SORCS3: variants seen among roughly 807,000 people sequenced by gnomAD.
The protein encoded by SORCS3 is sortilin related VPS10 domain containing receptor 3.
A neutral mutation model predicts 146.3 loss-of-function variants in SORCS3; 57 were observed. The observed-to-expected ratio is 0.39, with a 90% CI of 0.31 to 0.49. The LOEUF (loss-of-function observed/expected upper bound fraction) is 0.49, where lower values mean the gene tolerates loss of function less well. Ranked by LOEUF, SORCS3 falls within the 20% of genes least tolerant of loss-of-function variation. SORCS3 has a pLI of 0.92. For synonymous variants in SORCS3, 653 were observed against 618.5 expected (o/e 1.06, Z -0.83); for missense variants, 1,341 against 1,575.5 (o/e 0.85, Z 2.52).
At chr10:104,832,750 T>TAAATAAATAAATAAAC (rs58541807) in intron 1 of SORCS3, among the ~76,000 whole-genome samples, 78 of 151,862 alleles carry the variant, frequency 5.1e-4, no homozygotes, top group South Asian at 8.4e-4. Flanking sequence ...AATAAATAAA[T>TAAATAAATAAATAAAC]GAACGAACGA....
intron 1 of SORCS3, among the ~76,000 whole-genome samples, chr10:104,650,605 A>G (rs2015546721): frequency 6.6e-6 from 1 of 152,240 alleles, no homozygotes; most frequent in Non-Finnish European, 1.5e-5. Flanking sequence ...AGGTTCTCCC[A>G]TTGCTTCTGT....
intron 20 of SORCS3, among the ~76,000 whole-genome samples, chr10:105,237,527 G>C (rs924795167): frequency 6.6e-6 from 1 of 152,212 alleles, no homozygotes; most frequent in Admixed American, 6.5e-5. Flanking sequence ...TGGTCCATTT[G>C]AAAGAGGTGC....
chr10:104,885,006 G>A (rs1014983857), intron 2 of SORCS3, among the ~76,000 whole-genome samples: 3 of 152,146 alleles, frequency 2.0e-5, no homozygotes, highest in Non-Finnish European at 2.9e-5. Flanking sequence ...GGTCAGGAGA[G>A]TGTGAGTGAA....
intron 20 of SORCS3, among the ~76,000 whole-genome samples, chr10:105,239,972 CA>C (rs2056813572): frequency 6.6e-6 from 1 of 152,190 alleles, no homozygotes; most frequent in African/African-American, 2.4e-5. Context: ...GCCATTTTCC[CA>C]GCACAAGAGT....
chr10:104,840,439 C>T (rs2018124963), intron 1 of SORCS3, among the ~76,000 whole-genome samples: 1 of 152,182 alleles, frequency 6.6e-6, no homozygotes. Context: ...TCCCTGCATT[C>T]CCCACCACAG....
intron 4 of SORCS3, among the ~76,000 whole-genome samples, chr10:105,039,768 A>G (rs2055327820): frequency 6.6e-6 from 1 of 151,968 alleles, no homozygotes; most frequent in Admixed American, 6.6e-5. Context: ...CGCTCTCTTT[A>G]TGTTAGAAAG....
At chr10:104,808,636 G>T (rs960807021) in intron 1 of SORCS3, among the ~76,000 whole-genome samples, 1 of 152,196 alleles carries the variant, frequency 6.6e-6, no homozygotes, top group Non-Finnish European at 1.5e-5. Flanking sequence ...CCATGTAAAT[G>T]AGATGGTGGA....
chr10:104,758,446 T>G (rs575180555), intron 1 of SORCS3, among the ~76,000 whole-genome samples: 1 of 152,294 alleles, frequency 6.6e-6, no homozygotes, highest in African/African-American at 2.4e-5. Context: ...GGTCACCCAG[T>G]ATAAAGTATG....
At chr10:104,897,979 A>G (rs989190626) in intron 2 of SORCS3, among the ~76,000 whole-genome samples, 2 of 152,158 alleles carry the variant, frequency 1.3e-5, no homozygotes, top group Non-Finnish European at 2.9e-5. Context: ...AATCTCCATG[A>G]TTGCACATCT....
chr10:104,691,837 C>A (rs1209987369), intron 1 of SORCS3, among the ~76,000 whole-genome samples: 3 of 152,086 alleles, frequency 2.0e-5, no homozygotes, highest in Admixed American at 2.0e-4. Context: ...AACTCCTGGG[C>A]TCAAGTGATC....
chr10:104,935,642 A>T (rs2019252462), intron 3 of SORCS3, among the ~76,000 whole-genome samples: 1 of 152,068 alleles, frequency 6.6e-6, no homozygotes, highest in Admixed American at 6.6e-5. Context: ...TCACAAGAGG[A>T]AAGAGGCACT....
chr10:104,791,628 TCAGGCTCTGCAGGGAC>T, intron 1 of SORCS3, among the ~76,000 whole-genome samples: 1 of 152,186 alleles, frequency 6.6e-6, no homozygotes, highest in Non-Finnish European at 1.5e-5. Context: ...CAAGTGAAGC[TCAGGCTCTGCAGGGAC>T]TAAGGATGCC....
At chr10:105,181,875 G>A (rs907378302) in intron 14 of SORCS3, among the ~76,000 whole-genome samples, 3 of 152,130 alleles carry the variant, frequency 2.0e-5, no homozygotes, top group Admixed American at 1.3e-4. Context: ...TTTCATGAAA[G>A]GCTGTTTGCC....
chr10:105,229,197 T>C (rs1281318717), intron 20 of SORCS3, among the ~76,000 whole-genome samples: 1 of 152,082 alleles, frequency 6.6e-6, no homozygotes, highest in Non-Finnish European at 1.5e-5. Context: ...GAATTTGTCT[T>C]CATTTTTTTT....
chr10:104,967,305 A>G (rs377590514), intron 3 of SORCS3, among the ~76,000 whole-genome samples: 2 of 152,328 alleles, frequency 1.3e-5, no homozygotes. Context: ...TGAATGTAAT[A>G]TATAAAACAC....
At chr10:105,058,579 G>C (rs186447245) in intron 5 of SORCS3, among the ~76,000 whole-genome samples, 1 of 152,168 alleles carries the variant, frequency 6.6e-6, no homozygotes, top group Non-Finnish European at 1.5e-5. Context: ...AACTCAACAG[G>C]TTAGGGAGAA....
chr10:104,676,499 G>C (rs1176326364), intron 1 of SORCS3, among the ~76,000 whole-genome samples: 1 of 152,218 alleles, frequency 6.6e-6, no homozygotes, highest in East Asian at 1.9e-4. Context: ...GAGAAAATGA[G>C]GTAAAGGAGT....
At chr10:105,013,644 G>GA (rs935972353) in intron 4 of SORCS3, among the ~76,000 whole-genome samples, 2 of 151,910 alleles carry the variant, frequency 1.3e-5, no homozygotes, top group African/African-American at 4.8e-5. Flanking sequence ...GGTTTTTATT[G>GA]AAAAAATCTT....
intron 1 of SORCS3, among the ~76,000 whole-genome samples, chr10:104,833,030 C>A (rs767506489): frequency 1.3e-5 from 2 of 152,180 alleles, no homozygotes; most frequent in Admixed American, 1.3e-4. Flanking sequence ...TTTCACAAGT[C>A]CACTCAAGCA....
Sources: gnomAD v4.1 joint callset for allele counts (sites outside exome capture counted in the v4.1 genomes callset) on GRCh38, gnomAD v4.1.1 for gene constraint, MANE v1.5 for transcripts, NCBI Gene and HGNC (gene_info 2026-07-23, HGNC 2026-07-21) for gene names.